Variants in CLSTN1 observed in about 807,000 individuals in gnomAD.
CLSTN1 encodes the protein calsyntenin 1.
CLSTN1 carries 28 observed loss-of-function variants against 108.3 expected under a neutral mutation model. That is an observed-to-expected ratio of 0.26 (90% CI 0.19 to 0.35). The LOEUF (loss-of-function observed/expected upper bound fraction) is 0.35, where lower values mean the gene tolerates loss of function less well. Among genes scored for constraint, CLSTN1 ranks in the 10% least tolerant of loss-of-function variants. CLSTN1 has a pLI of 1.00. For synonymous variants in CLSTN1, 524 were observed against 534.9 expected (o/e 0.98, Z 0.28); for missense variants, 1,157 against 1,302.6 (o/e 0.89, Z 1.72).
At chr1:9,813,744 A>C (rs1654861902) in intron 1 of CLSTN1, among the ~76,000 whole-genome samples, 1 of 152,144 alleles carries the variant, frequency 6.6e-6, no homozygotes, top group Non-Finnish European at 1.5e-5. Flanking sequence ...GAAGTTTCAC[A>C]TTTCTTCAAT....
At chr1:9,769,253 C>T (rs564780040) in intron 2 of CLSTN1, among the ~76,000 whole-genome samples, 11 of 151,836 alleles carry the variant, frequency 7.2e-5, no homozygotes, top group Non-Finnish European at 1.3e-4. Flanking sequence ...AGCAGAGGAC[C>T]CCACGCTTCA....
chr1:9,813,638 T>C (rs1557727531), intron 1 of CLSTN1, among the ~76,000 whole-genome samples: 1 of 152,196 alleles, frequency 6.6e-6, no homozygotes, highest in Non-Finnish European at 1.5e-5. Flanking sequence ...ACATCTGAAA[T>C]ATGCAAAACT....
At chr1:9,820,023 C>T (rs1252951226) in intron 1 of CLSTN1, among the ~76,000 whole-genome samples, 2 of 151,840 alleles carry the variant, frequency 1.3e-5, no homozygotes, top group South Asian at 4.1e-4. Context: ...CAGAATTGAT[C>T]CTTGAACTTT....
intron 2 of CLSTN1, among the ~76,000 whole-genome samples, chr1:9,762,643 T>C (rs1652137073): frequency 7.7e-6 from 1 of 129,424 alleles, no homozygotes; most frequent in Admixed American, 7.6e-5. Context: ...GTCCGGGCTG[T>C]CCCTGACGTT....
Position 9,755,099 on chromosome 1 carries a change from G to T in CLSTN1, c.440+15C>A. 1.2e-6 allele frequency: 2 copies of T among 1,602,870 alleles called. No homozygotes were observed. Among genetic ancestry groups the T allele is most frequent in the Non-Finnish European group, 1.7e-6 (2 of 1,171,468 alleles). On this transcript the variant is annotated intron_variant, in intron 4 of 18. Coordinates refer to ENST00000377298, the MANE Select transcript of CLSTN1 (RefSeq NM_001009566.3). ...ACTCGGTGGGTTATGTTCACTCTTT[G>T]TCCAGCTTACTTACTTATGAGACTT...
intron 9 of CLSTN1, among the ~76,000 whole-genome samples, chr1:9,741,582 T>C (rs1570440807): frequency 6.6e-6 from 1 of 152,290 alleles, no homozygotes; most frequent in East Asian, 1.9e-4. Context: ...GTTGAGTTAG[T>C]TTACCACTGG....
rs145753128 is a variant in CLSTN1 at position 9,786,103 on chromosome 1, C to T, written c.92-12709G>A. 8.4e-3 allele frequency among the ~76,000 whole-genome samples: 1,284 copies of T among 152,192 alleles called. 20 individuals carry two copies. The highest frequency in any genetic ancestry group is 0.028 in the African/African-American group (1,170 of 41,522). The stretch of plus-strand genomic sequence containing the variant: ...ACTCGGGAGGCTGAGGCATGAGAAT[C>T]GCTTGAGCCTGGGAGGTGGAGGTTG... On this transcript the variant is annotated intron_variant, in intron 1 of 18. Transcript: ENST00000377298.
At chr1:9,776,871 T>TATCTATCTA (rs1218509459) in intron 1 of CLSTN1, among the ~76,000 whole-genome samples, 32 of 135,308 alleles carry the variant, frequency 2.4e-4, no homozygotes, top group African/African-American at 1.1e-3. Context: ...TTTATCTATC[T>TATCTATCTA]ATCTATCTAT....
rs114654980 is a variant in CLSTN1 at position 9,788,445 on chromosome 1, C to T, written c.92-15051G>A. 4.9e-3 allele frequency among the ~76,000 whole-genome samples: 734 copies of T among 151,080 alleles called. 7 individuals are homozygous for T. Among genetic ancestry groups the T allele is most frequent in the African/African-American group, 0.016 (657 of 41,446 alleles). ...AATTAGCTGGGCATGGTAGTCCATG[C>T]TAATTCCAGTCACTTGGGAGACTGA... On this transcript the variant is annotated intron_variant, in intron 1 of 18. Transcript: ENST00000377298.
rs186412249 is a variant in CLSTN1 at position 9,749,100 on chromosome 1, C to T, written c.985+361G>A. ...TCAATTTTTTGTAGAGATGGGGTAT[C>T]GCTGTGTTGCCCAGGCTGGTCTCAA... On this transcript the variant is annotated intron_variant, in intron 7 of 18. Coordinates refer to ENST00000377298, the MANE Select transcript of CLSTN1 (RefSeq NM_001009566.3). Among the ~76,000 whole-genome samples, 382 of 151,924 alleles carry T rather than the reference C, an allele frequency of 2.5e-3. 12 individuals are homozygous for T. Among genetic ancestry groups the T allele is most frequent in the Admixed American group, 0.024 (360 of 15,252 alleles).
intron 4 of CLSTN1, among the ~76,000 whole-genome samples, chr1:9,754,594 G>A (rs1353479886): frequency 6.6e-6 from 1 of 151,784 alleles, no homozygotes; most frequent in African/African-American, 2.4e-5. Flanking sequence ...TACGGCTCAC[G>A]CCTATAATCC....
At chr1:9,760,948 G>A (rs1385609970) in intron 2 of CLSTN1, among the ~76,000 whole-genome samples, 1 of 151,880 alleles carries the variant, frequency 6.6e-6, no homozygotes, top group Non-Finnish European at 1.5e-5. Flanking sequence ...TTGCAGGGAA[G>A]GACCTCTCAG....
intron 2 of CLSTN1, among the ~76,000 whole-genome samples, chr1:9,763,258 G>C (rs549497641): frequency 6.6e-6 from 1 of 152,064 alleles, no homozygotes; most frequent in Non-Finnish European, 1.5e-5. Flanking sequence ...CACTGCACCC[G>C]GCCTAGGATA....
At chr1:9,763,259 G>A (rs1224739939) in intron 2 of CLSTN1, among the ~76,000 whole-genome samples, 2 of 152,122 alleles carry the variant, frequency 1.3e-5, no homozygotes, top group African/African-American at 2.4e-5. Context: ...ACTGCACCCG[G>A]CCTAGGATAC....
At chr1:9,731,140 A>G in intron 18 of CLSTN1, 66 bp downstream of exon 18, 1 of 1,588,354 alleles carries the variant, frequency 6.3e-7, no homozygotes, top group Non-Finnish European at 8.6e-7. Context: ...GCCGCGCCGT[A>G]CCGGCTTCTC....
intron 1 of CLSTN1, among the ~76,000 whole-genome samples, chr1:9,797,107 AG>A (rs1654043652): frequency 6.6e-6 from 1 of 152,186 alleles, no homozygotes; most frequent in South Asian, 2.1e-4. Flanking sequence ...AGGGAATGCT[AG>A]CCCCATGCTA....
At chr1:9,781,520 T>C (rs913511309) in intron 1 of CLSTN1, among the ~76,000 whole-genome samples, 2 of 151,754 alleles carry the variant, frequency 1.3e-5, no homozygotes, top group African/African-American at 4.8e-5. Context: ...CTCGGCTCAC[T>C]GCAATCTCTG....
intron 2 of CLSTN1, among the ~76,000 whole-genome samples, chr1:9,758,792 T>A (rs1333673364): frequency 6.6e-6 from 1 of 152,196 alleles, no homozygotes; most frequent in Non-Finnish European, 1.5e-5. Flanking sequence ...TGTTTGCTAT[T>A]ATTACAATCA....
rs929182541 is a variant in CLSTN1, at chr1:9,733,257, C to A, written c.2427+144G>T. 4 of 979,286 alleles carry A rather than the reference C, an allele frequency of 4.1e-6. No homozygotes were observed. In the African/African-American group the frequency reaches 4.9e-5, roughly 12 times the overall value. The allele number at this position is 979,286 out of a possible 1,614,324, so 60.7% of individuals were successfully genotyped here. On this transcript the variant is annotated intron_variant, in intron 16 of 18. Coordinates refer to ENST00000377298, the MANE Select transcript of CLSTN1 (RefSeq NM_001009566.3). ...GGTGTAACCTGCAGCAGGCCCCAGG[C>A]TGGAAAGGCGACCCCCTAGAATGAG...
Sources: allele counts gnomAD v4.1 joint callset (sites outside exome capture counted in the v4.1 genomes callset), GRCh38; gene constraint gnomAD v4.1.1; transcripts MANE v1.5; gene names NCBI Gene and HGNC (gene_info 2026-07-23, HGNC 2026-07-21).